Variants in DMD observed in about 807,000 individuals in gnomAD.
DMD encodes mutant dystrophin.
Under a neutral mutation model 330.1 loss-of-function variants are expected in DMD, and 63 were observed. The ratio of observed to expected loss-of-function variants is 0.19; its 90% CI spans 0.16 to 0.24. The LOEUF (loss-of-function observed/expected upper bound fraction) is 0.24, where lower values mean the gene tolerates loss of function less well. Among genes scored for constraint, DMD ranks in the 10% least tolerant of loss-of-function variants. DMD has a pLI of 1.00. For missense variants in DMD, 3,344 were observed against 2,684.1 expected (o/e 1.25, Z -5.43); for synonymous variants, 1,223 against 959.8 (o/e 1.27, Z -5.07).
chrX:31,837,011 T>C (rs367715372), intron 48 of DMD, among the ~76,000 whole-genome samples, 192 bp from the exon 49 acceptor site: 3 of 111,807 alleles, frequency 2.7e-5, no homozygotes, highest in African/African-American at 9.7e-5. Flanking sequence ...TTAAAAAAAA[T>C]TCATCCAATA....
At chrX:32,033,345 C>T (rs1011242599) in intron 44 of DMD, among the ~76,000 whole-genome samples, 2 of 110,050 alleles carry the variant, frequency 1.8e-5, no homozygotes, top group Non-Finnish European at 3.8e-5. Context: ...ATGTATTGTG[C>T]ATGTAGTATT....
At chrX:32,305,077 C>T (rs1047740147) in intron 42 of DMD, among the ~76,000 whole-genome samples, 5 of 111,372 alleles carry the variant, frequency 4.5e-5, no homozygotes, top group African/African-American at 1.6e-4. Context: ...TATTACAATA[C>T]GCATATAAAC....
Position 32,454,650 on chromosome X carries a change from T to TC in DMD, c.3603+11_3603+12insG, listed in dbSNP as rs1233526686. The TC allele has an allele frequency of 1.7e-6, 2 of 1,152,473 alleles. No individual in the cohort carries two copies. The highest frequency in any genetic ancestry group is 3.0e-5 in the East Asian group (1 of 33,259). 95.0% of individuals were successfully genotyped at this position (1,152,473 alleles called of 1,213,427 possible). On this transcript the variant is annotated intron_variant, in intron 26 of 78. Coordinates refer to ENST00000357033, the MANE Select transcript of DMD (RefSeq NM_004006.3). The stretch of plus-strand genomic sequence containing the variant: ...CCTTTGTTTTACTTAGTTTTTCTTT[T>TC]TTTTTTTTTACCTTCATCTCTTCAA...
chrX:31,844,313 T>G (rs2093372527), intron 48 of DMD, among the ~76,000 whole-genome samples: 1 of 102,897 alleles, frequency 9.7e-6, no homozygotes, highest in African/African-American at 3.7e-5. Context: ...TTTTTTTTTT[T>G]GTTTACTTTG....
intron 63 of DMD, among the ~76,000 whole-genome samples, chrX:31,243,653 G>C (rs985345995): frequency 8.9e-6 from 1 of 112,655 alleles, no homozygotes; most frequent in African/African-American, 3.2e-5. Flanking sequence ...TGTTACAATA[G>C]CAAAAGTAAA....
At chrX:31,408,902 G>A (rs764495881) in intron 60 of DMD, among the ~76,000 whole-genome samples, 66 of 111,213 alleles carry the variant, frequency 5.9e-4, no homozygotes, top group African/African-American at 2.0e-3. Flanking sequence ...ATCATTTAGC[G>A]TTACGTATAT....
At chrX:32,879,289 G>A (rs1480694745) in intron 2 of DMD, among the ~76,000 whole-genome samples, 5 of 111,420 alleles carry the variant, frequency 4.5e-5, no homozygotes, top group African/African-American at 1.6e-4. Context: ...CCGCTGGGAA[G>A]CCTGTGGTGA....
At chrX:32,749,057 G>A (rs1318944418) in intron 7 of DMD, among the ~76,000 whole-genome samples, 1 of 112,020 alleles carries the variant, frequency 8.9e-6, no homozygotes, top group African/African-American at 3.2e-5. Flanking sequence ...AGAAGCCAAT[G>A]TGGGGAGGAA....
intron 67 of DMD, among the ~76,000 whole-genome samples, chrX:31,194,266 C>T (rs2148454470): frequency 8.9e-6 from 1 of 111,948 alleles, no homozygotes; most frequent in Admixed American, 9.4e-5. Flanking sequence ...ACATGACAGA[C>T]AAAAACCTTG....
At chrX:31,733,273 G>A (rs1316416674) in intron 51 of DMD, among the ~76,000 whole-genome samples, 1 of 111,231 alleles carries the variant, frequency 9.0e-6, no homozygotes, top group Non-Finnish European at 1.9e-5. Context: ...TATAACTAGG[G>A]CATTTTAGGC....
intron 44 of DMD, among the ~76,000 whole-genome samples, chrX:32,136,389 C>T (rs1211763734): frequency 1.8e-5 from 2 of 112,288 alleles, no homozygotes; most frequent in African/African-American, 6.5e-5. Context: ...CTACTTATTA[C>T]CTAGGCAATT....
intron 1 of DMD, among the ~76,000 whole-genome samples, chrX:33,072,164 T>A (rs928904741): frequency 8.9e-6 from 1 of 112,334 alleles, no homozygotes; most frequent in Admixed American, 9.4e-5. Flanking sequence ...ACGCCTGTAA[T>A]CCCAGCACTT....
At chrX:31,656,836 A>C (rs1732157722) in intron 54 of DMD, among the ~76,000 whole-genome samples, 1 of 111,463 alleles carries the variant, frequency 9.0e-6, no homozygotes, top group Non-Finnish European at 1.9e-5. Flanking sequence ...TCCCAACTTT[A>C]GGTTGAATCT....
At chrX:31,973,399 A>G (rs749089726) in intron 44 of DMD, among the ~76,000 whole-genome samples, 4 of 111,155 alleles carry the variant, frequency 3.6e-5, no homozygotes, top group Non-Finnish European at 5.7e-5. Flanking sequence ...TAAAGAAAGA[A>G]TGAAAGTTAT....
chrX:32,889,872 C>A (rs1001833374), intron 2 of DMD, among the ~76,000 whole-genome samples: 1 of 111,309 alleles, frequency 9.0e-6, no homozygotes, highest in Non-Finnish European at 1.9e-5. Flanking sequence ...GTGGTCTCTT[C>A]ACTCGGAGGG....
chrX:32,949,897 G>A (rs760888295), intron 2 of DMD, among the ~76,000 whole-genome samples: 4 of 84,563 alleles, frequency 4.7e-5, no homozygotes, highest in Non-Finnish European at 8.9e-5. Flanking sequence ...ATCATATGGA[G>A]CCCAGAACAT....
chrX:32,249,939 C>T (rs2097256898), intron 43 of DMD, among the ~76,000 whole-genome samples: 1 of 110,640 alleles, frequency 9.0e-6, no homozygotes, highest in Non-Finnish European at 1.9e-5. Flanking sequence ...CCATACCATA[C>T]CAAACTTCCT....
intron 44 of DMD, among the ~76,000 whole-genome samples, chrX:32,170,060 CT>C (rs1029411496): frequency 4.5e-5 from 5 of 111,134 alleles, no homozygotes; most frequent in Non-Finnish European, 9.4e-5. Context: ...AAGATCTTCT[CT>C]TTTTTTTCTA....
chrX:31,715,033 T>C (rs1186377892), intron 52 of DMD, among the ~76,000 whole-genome samples: 1 of 111,856 alleles, frequency 8.9e-6, no homozygotes, highest in Non-Finnish European at 1.9e-5. Context: ...ACTTTATATG[T>C]AACAGGTTAC....
Sources: allele counts gnomAD v4.1 joint callset (sites outside exome capture counted in the v4.1 genomes callset), GRCh38; gene constraint gnomAD v4.1.1; transcripts MANE v1.5; gene names NCBI Gene and HGNC (gene_info 2026-07-23, HGNC 2026-07-21).